The following MGST1 variants were observed in gnomAD, a reference collection of about 807,000 sequenced individuals.
MGST1 encodes glutathione S-transferase 12.
Under a neutral mutation model 8.9 loss-of-function variants are expected in MGST1, and 5 were observed. The ratio of observed to expected loss-of-function variants is 0.56; its 90% CI spans 0.29 to 1.19. The LOEUF (loss-of-function observed/expected upper bound fraction) is 1.19. MGST1 is among the 50% of genes most tolerant of loss of function. MGST1 has a pLI of 0.08. For synonymous variants in MGST1, 54 were observed against 67.8 expected (o/e 0.80, Z 1.00); for missense variants, 182 against 187.4 (o/e 0.97, Z 0.17).
chr12:16,450,145 G>T (rs941367516), intron 4 of MGST1, among the ~76,000 whole-genome samples: 2 of 151,896 alleles, frequency 1.3e-5, no homozygotes, highest in Admixed American at 1.3e-4. Flanking sequence ...CAGCTCTTTG[G>T]CTTTTATCCT....
rs1943329179 is a variant in MGST1, at chr12:16,586,599, GTCCTTTCT to G, written n.483-2927_483-2920del. On this transcript the variant is annotated intron_variant and non_coding_transcript_variant, in intron 4 of 4. Coordinates refer to the MGST1 transcript ENST00000538857. This position sits in a 1 kb window ranked among gnomAD's most constrained non-coding sequence, Gnocchi z 4.3. The stretch of plus-strand genomic sequence containing the variant: ...AAGACACTGCATTTCATCTTTGGAC[GTCCTTTCT>G]TGGCAGGACCACTTGTCTCCCAAAG... Among the ~76,000 whole-genome samples the G allele has an allele frequency of 6.6e-6, 1 of 152,160 alleles. No homozygotes were observed. Among genetic ancestry groups the G allele is most frequent in the Non-Finnish European group, 1.5e-5 (1 of 68,024 alleles).
chr12:16,466,238 G>A (rs1377627848), intron 4 of MGST1, among the ~76,000 whole-genome samples: 2 of 152,170 alleles, frequency 1.3e-5, no homozygotes, highest in Admixed American at 1.3e-4. Context: ...AGGCTGGCAA[G>A]CATAGTGTAA....
At chr12:16,591,678 G>T (rs953897498), downstream of MGST1, among the ~76,000 whole-genome samples, 1 of 151,968 alleles carries the variant, frequency 6.6e-6, no homozygotes, top group Non-Finnish European at 1.5e-5. This position sits in a 1 kb window ranked among gnomAD's most constrained non-coding sequence, Gnocchi z 4.1. Flanking sequence ...TTTGCAAGGG[G>T]TGTCAATTAT....
Position 16,369,875 on chromosome 12 carries a change from T to C in MGST1, c.222-6247T>C, listed in dbSNP as rs1361560905. 1.3e-5 allele frequency: 2 copies of C among 152,242 alleles called. No individual in the cohort carries two copies. The highest frequency in any genetic ancestry group is 2.4e-5 in the African/African-American group (1 of 41,454). 9.4% of individuals were successfully genotyped at this position (152,242 alleles called of 1,614,324 possible). A position where few individuals can be genotyped will look rare whatever the true frequency, so the allele number is the denominator to read the frequency against. The stretch of plus-strand genomic sequence containing the variant: ...ATCATTACATCCACCAACATGCCCT[T>C]GGCCAGAGAAAGTCACAGGGCTGGC... On this transcript the variant is annotated intron_variant, in intron 3 of 3. Transcript: ENST00000535309. The surrounding 1 kb of genome is among the most constrained non-coding windows in gnomAD (Gnocchi z 4.8).
At chr12:16,526,466 A>C (rs2137195673) in intron 4 of MGST1, among the ~76,000 whole-genome samples, 1 of 152,140 alleles carries the variant, frequency 6.6e-6, no homozygotes, top group East Asian at 1.9e-4. Flanking sequence ...TTATTATCTC[A>C]CTGAAAGAAA....
At chr12:16,351,050 A>AC (rs1321588428) in intron 1 of MGST1, among the ~76,000 whole-genome samples, 2 of 152,172 alleles carry the variant, frequency 1.3e-5, no homozygotes, top group African/African-American at 4.8e-5. Flanking sequence ...GGGAAAAAAA[A>AC]GTTCTCTGGA....
intron 1 of MGST1, among the ~76,000 whole-genome samples, chr12:16,436,226 T>C (rs1010718689): frequency 3.3e-5 from 5 of 151,974 alleles, no homozygotes; most frequent in African/African-American, 1.2e-4. Flanking sequence ...ATCAAATATT[T>C]ACTCAGTGTT....
Position 16,517,967 on chromosome 12 carries a change from C to A in MGST1, n.483-71561C>A, listed in dbSNP as rs75126719. 1.3e-4 allele frequency among the ~76,000 whole-genome samples: 20 copies of A among 152,286 alleles called. No homozygotes were observed. The highest frequency in any genetic ancestry group is 8.3e-4 in the South Asian group (4 of 4,826). ...GTTCTTCACACCCAAGGACCAGACA[C>A]TAGGCAGTGATACATTCACCAAAGT... On this transcript the variant is annotated intron_variant and non_coding_transcript_variant, in intron 4 of 4. Coordinates refer to the MGST1 transcript ENST00000538857. This position sits in a 1 kb window ranked among gnomAD's most constrained non-coding sequence, Gnocchi z 4.2.
In MGST1 at chr12:16,560,641, A is replaced by C; in HGVS notation, n.483-28887A>C. ...ATACTCTGTAAAGCTACAATACACA[A>C]TGCTTTATGATGTACACAAGTGGAT... is the stretch of plus-strand genomic sequence containing the variant. On this transcript the variant is annotated intron_variant and non_coding_transcript_variant, in intron 4 of 4. Coordinates refer to the MGST1 transcript ENST00000538857. The surrounding 1 kb of genome is among the most constrained non-coding windows in gnomAD (Gnocchi z 5.0). 1.0e-6 allele frequency: 1 copy of C among 965,552 alleles called. No homozygotes were observed. The highest frequency in any genetic ancestry group is 1.6e-6 in the Non-Finnish European group (1 of 640,838). The allele number at this position is 965,552 out of a possible 1,614,324, so 59.8% of individuals were successfully genotyped here.
At chr12:16,404,589 T>C (rs904187647) in intron 1 of MGST1, among the ~76,000 whole-genome samples, 1 of 152,152 alleles carries the variant, frequency 6.6e-6, no homozygotes, top group African/African-American at 2.4e-5. Context: ...CAGGCACACT[T>C]AACTAATCAA....
rs1238481295 is a variant in MGST1 at position 16,576,172 on chromosome 12, A to C, written n.483-13356A>C. Among the ~76,000 whole-genome samples, 1 of 152,156 alleles carries C rather than the reference A, an allele frequency of 6.6e-6. No individual in the cohort carries two copies. The highest frequency in any genetic ancestry group is 1.5e-5 in the Non-Finnish European group (1 of 68,036). On this transcript the variant is annotated intron_variant and non_coding_transcript_variant, in intron 4 of 4. Transcript: ENST00000538857. The surrounding 1 kb of genome is among the most constrained non-coding windows in gnomAD (Gnocchi z 4.1). ...CCCTGCTGTCCGCCTTCCACTCTGC[A>C]GCCGGTAGCCTTTCTATAACACAGC...
exon 4 of MGST1, chr12:16,376,688 G>T (rs1335944624): frequency 6.6e-6 from 1 of 152,090 alleles, no homozygotes; most frequent in African/African-American, 2.4e-5. Flanking sequence ...AACAATTGGG[G>T]AAATGTGAAC....
chr12:16,442,527 C>G (rs1410964213), downstream of MGST1, among the ~76,000 whole-genome samples: 1 of 151,718 alleles, frequency 6.6e-6, no homozygotes, highest in Non-Finnish European at 1.5e-5. The surrounding 1 kb of genome is among the most constrained non-coding windows in gnomAD (Gnocchi z 4.5). Flanking sequence ...TTATTTTTTG[C>G]ATGCGGATGT....
intron 1 of MGST1, chr12:16,399,845 T>C: frequency 8.2e-7 from 1 of 1,224,584 alleles, no homozygotes; most frequent in South Asian, 1.2e-5. Flanking sequence ...GCTGTAGTCC[T>C]TGTAGACAAT....
downstream of MGST1, among the ~76,000 whole-genome samples, chr12:16,440,482 G>A (rs1941029678): frequency 6.6e-6 from 1 of 151,594 alleles, no homozygotes; most frequent in Non-Finnish European, 1.5e-5. Context: ...AACTCCATGT[G>A]GACTCTATAA....
intron 3 of MGST1, among the ~76,000 whole-genome samples, chr12:16,359,915 C>T (rs1939908114): frequency 6.6e-6 from 1 of 152,182 alleles, no homozygotes; most frequent in African/African-American, 2.4e-5. Flanking sequence ...TCCGACCTTC[C>T]ACCCTTACTC....
chr12:16,517,218 A>G lies in MGST1; in HGVS notation n.483-72310A>G, dbSNP rs897927446. On this transcript the variant is annotated intron_variant and non_coding_transcript_variant, in intron 4 of 4. Coordinates refer to the MGST1 transcript ENST00000538857. This position sits in a 1 kb window ranked among gnomAD's most constrained non-coding sequence, Gnocchi z 4.2. ...ATCTAATGAAAGACTCTTAGAAGGC[A>G]GGTGCTATGATTTGAATGTGTCCCT... Among the ~76,000 whole-genome samples the G allele has an allele frequency of 1.1e-4, 16 of 152,358 alleles. No individual in the cohort carries two copies. Among genetic ancestry groups the G allele is most frequent in the Admixed American group, 8.5e-4 (13 of 15,302 alleles).
rs533779508 is a variant in MGST1 at position 16,400,604 on chromosome 12, C to T, written n.778+17000C>T. The T allele has an allele frequency of 1.0e-4, 118 of 1,127,582 alleles. No individual in the cohort carries two copies. In the Admixed American group the frequency reaches 1.4e-3, roughly 14 times the overall value. The allele number at this position is 1,127,582 out of a possible 1,614,324, so 69.8% of individuals were successfully genotyped here. On this transcript the variant is annotated intron_variant and non_coding_transcript_variant, in intron 1 of 1. Transcript: ENST00000359720. ...TTCAAGGCTGGTACTGTCTGTTCCC[C>T]GGTCATCGTATGACGCTTGGTATGT... is the stretch of plus-strand genomic sequence containing the variant.
rs11056958 is a variant in MGST1 at position 16,488,606 on chromosome 12, T to C, written n.483-100922T>C. Among the ~76,000 whole-genome samples, 1,317 of 152,264 alleles carry C rather than the reference T, an allele frequency of 8.6e-3. 56 individuals carry two copies. In the East Asian group the frequency reaches 0.15, roughly 17 times the overall value. On this transcript the variant is annotated intron_variant and non_coding_transcript_variant, in intron 4 of 4. Coordinates refer to the MGST1 transcript ENST00000538857. ...TTCTTTTTCATATAGTCCCCTAGAA[T>C]TATATTCTATAGCACATTTTTATTT...
Sources: allele counts gnomAD v4.1 joint callset (sites outside exome capture counted in the v4.1 genomes callset), GRCh38; gene constraint gnomAD v4.1.1; non-coding constraint Gnocchi (gnomAD v3.1); transcripts MANE v1.5; gene names NCBI Gene and HGNC (gene_info 2026-07-23, HGNC 2026-07-21).